Variants in CSNK1D observed in about 807,000 individuals in gnomAD.
The protein encoded by CSNK1D is casein kinase 1 delta, also known as casein kinase I isoform delta.
In CSNK1D, 16 loss-of-function variants were observed where a neutral mutation model predicts 46.6. The ratio of observed to expected loss-of-function variants is 0.34; its 90% confidence interval spans 0.23 to 0.52. The LOEUF is 0.52. Ranked by LOEUF, CSNK1D falls within the 20% of genes least tolerant of loss-of-function variation. The probability of loss-of-function intolerance (pLI) is 0.95; values close to 1 mark genes in which losing one functional copy is unlikely to be tolerated. For missense variants in CSNK1D, 398 were observed against 578.4 expected, an observed-to-expected ratio of 0.69 and a Z score of 3.20; for synonymous variants, 276 against 228.2, an observed-to-expected ratio of 1.21 and a Z score of -1.89.
rs985450864 is a variant in CSNK1D at position 82,249,206 on chromosome 17, C to A, written c.1058-192G>T. ...GGGACATGGGAGCGAGGTCAAGGGG[C>A]TCACAGGGGAGGAACGTGAGATGCG... On this transcript the variant is annotated intron_variant, in intron 7 of 8. Coordinates refer to ENST00000314028, the MANE Select transcript of CSNK1D (RefSeq NM_001893.6). This position sits in a 1 kb window ranked among gnomAD's most constrained non-coding sequence, Gnocchi z 6.7. 1 of 798,108 alleles carries A rather than the reference C, an allele frequency of 1.3e-6. No individual in the cohort carries two copies. Among genetic ancestry groups the A allele is most frequent in the Non-Finnish European group, 1.9e-6 (1 of 513,186 alleles). 49.4% of individuals were successfully genotyped at this position (798,108 alleles called of 1,614,324 possible). A position where few individuals can be genotyped will look rare whatever the true frequency, so the allele number is the denominator to read the frequency against.
At position 82,250,994 on chromosome 17, in the gene CSNK1D, C is replaced by T. The variant is rs1429748565; in HGVS notation, c.885+385G>A. On this transcript the variant is annotated intron_variant, in intron 6 of 8. Coordinates refer to ENST00000314028, the MANE Select transcript of CSNK1D (RefSeq NM_001893.6). This position sits in a 1 kb window ranked among gnomAD's most constrained non-coding sequence, Gnocchi z 4.6. ...GCTAGACGGGTAGCACCTCACCAGG[C>T]CCCAACCCCACTCATCTCGTGGGCA... 3 of 335,256 alleles carry T rather than the reference C, an allele frequency of 8.9e-6. No individual in the cohort carries two copies. The highest frequency in any genetic ancestry group is 1.6e-4 in the East Asian group (2 of 12,562). 20.8% of individuals were successfully genotyped at this position (335,256 alleles called of 1,614,324 possible).
In CSNK1D at chr17:82,255,683, G is replaced by T; in HGVS notation, c.188-106C>A. The stretch of plus-strand genomic sequence containing the variant: ...GGGTCATGGTGACAATCCTGAACGG[G>T]GGAGGGGTGGTGGAGGTAGAAGACC... On this transcript the variant is annotated intron_variant, in intron 2 of 8. Transcript: ENST00000314028. This position sits in a 1 kb window ranked among gnomAD's most constrained non-coding sequence, Gnocchi z 5.9. 7.0e-7 allele frequency: 1 copy of T among 1,425,458 alleles called. No homozygotes were observed. Among genetic ancestry groups the T allele is most frequent in the Admixed American group, 1.7e-5 (1 of 59,678 alleles). The allele number at this position is 1,425,458 out of a possible 1,614,324, so 88.3% of individuals were successfully genotyped here.
downstream of CSNK1D, among the ~76,000 whole-genome samples, chr17:82,242,377 G>T (rs1034226854): frequency 1.3e-5 from 2 of 152,162 alleles, no homozygotes; most frequent in Non-Finnish European, 2.9e-5. Flanking sequence ...TGCGGCTGCC[G>T]GTGCCGCCCG....
chr17:82,251,248 C>A lies in CSNK1D; in HGVS notation c.885+131G>T, dbSNP rs2051000158. The A allele has an allele frequency of 1.4e-5, 16 of 1,108,340 alleles. No homozygotes were observed. Among genetic ancestry groups the A allele is most frequent in the South Asian group, 8.0e-5 (6 of 75,230 alleles). The allele number at this position is 1,108,340 out of a possible 1,614,324, so 68.7% of individuals were successfully genotyped here. On this transcript the variant is annotated intron_variant, in intron 6 of 8. Transcript: ENST00000314028. This position sits in a 1 kb window ranked among gnomAD's most constrained non-coding sequence, Gnocchi z 4.5. ...CACTCAGTCCAGGTCCTGCCCACTA[C>A]ACACTTGCCCTTCACAACCAGAGAC...
At position 82,249,777 on chromosome 17, in the gene CSNK1D, C is replaced by T. The variant is rs1248092182; in HGVS notation, c.886-175G>A. 1.4e-6 allele frequency: 2 copies of T among 1,465,950 alleles called. No homozygotes were observed. The highest frequency in any genetic ancestry group is 2.8e-5 in the African/African-American group (2 of 71,186). The allele number at this position is 1,465,950 out of a possible 1,614,324, so 90.8% of individuals were successfully genotyped here. A position where few individuals can be genotyped will look rare whatever the true frequency, so the allele number is the denominator to read the frequency against. Reference sequence around the variant, plus strand: ...TCCTCATGGGATGACAGCATCATCCCCACAAGGGGTCAGAGCCAGGCCTCT... The same window carrying T: ...TCCTCATGGGATGACAGCATCATCCTCACAAGGGGTCAGAGCCAGGCCTCT... On this transcript the variant is annotated intron_variant, in intron 6 of 8. Coordinates refer to ENST00000314028, the MANE Select transcript of CSNK1D (RefSeq NM_001893.6). The surrounding 1 kb of genome is among the most constrained non-coding windows in gnomAD (Gnocchi z 6.7).
Position 82,242,825 on chromosome 17 carries a change from G to A in CSNK1D, c.*1956C>T. Reference sequence around the variant, plus strand: ...CACGGGGCGACGGGGACTAGATACTGGGCAAGGACTGTCACAAGCACTCCG... The same window carrying A: ...CACGGGGCGACGGGGACTAGATACTAGGCAAGGACTGTCACAAGCACTCCG... On this transcript the variant is annotated 3_prime_UTR_variant, in exon 9 of 9. Coordinates refer to ENST00000314028, the MANE Select transcript of CSNK1D (RefSeq NM_001893.6). 3.0e-6 allele frequency: 3 copies of A among 985,464 alleles called. No homozygotes were observed. The highest frequency in any genetic ancestry group is 3.6e-6 in the Non-Finnish European group (3 of 829,936). The allele number at this position is 985,464 out of a possible 1,614,324, so 61.0% of individuals were successfully genotyped here. A position where few individuals can be genotyped will look rare whatever the true frequency, so the allele number is the denominator to read the frequency against.
chr17:82,240,714 G>A (rs1435146487), downstream of CSNK1D, among the ~76,000 whole-genome samples: 18 of 152,232 alleles, frequency 1.2e-4, no homozygotes, highest in Admixed American at 1.0e-3. Flanking sequence ...CTCCCGGACA[G>A]ACATGCCTGA....
rs1384109468 is a variant in CSNK1D at position 82,252,685 on chromosome 17, G to A, written c.566-81C>T. 1 of 1,420,194 alleles carries A rather than the reference G, an allele frequency of 7.0e-7. No individual in the cohort carries two copies. The highest frequency in any genetic ancestry group is 9.7e-7 in the Non-Finnish European group (1 of 1,034,578). 88.0% of individuals were successfully genotyped at this position (1,420,194 alleles called of 1,614,324 possible). A position where few individuals can be genotyped will look rare whatever the true frequency, so the allele number is the denominator to read the frequency against. ...AAAAGACCCGGCTGGCCGTTCCAGTGGAGACTAGCCTCAGACACACATGCC... is the reference window on the plus strand; with the variant it reads ...AAAAGACCCGGCTGGCCGTTCCAGTAGAGACTAGCCTCAGACACACATGCC... On this transcript the variant is annotated intron_variant, in intron 4 of 8. Coordinates refer to ENST00000314028, the MANE Select transcript of CSNK1D (RefSeq NM_001893.6). The surrounding 1 kb of genome is among the most constrained non-coding windows in gnomAD (Gnocchi z 4.6).
rs974078167 is a variant in CSNK1D, at chr17:82,250,675, C to T, written c.885+704G>A. 5.8e-6 allele frequency: 1 copy of T among 171,562 alleles called. No homozygotes were observed. The highest frequency in any genetic ancestry group is 1.3e-5 in the Non-Finnish European group (1 of 77,978). 10.6% of individuals were successfully genotyped at this position (171,562 alleles called of 1,614,324 possible). ...CCGCCCCTCCCTGGCCCCTGCACGA[C>T]TACTGGACAAGGCTGCCGTTTTTGT... On this transcript the variant is annotated intron_variant, in intron 6 of 8. Coordinates refer to ENST00000314028, the MANE Select transcript of CSNK1D (RefSeq NM_001893.6). This position sits in a 1 kb window ranked among gnomAD's most constrained non-coding sequence, Gnocchi z 4.6.
At chr17:82,270,467 G>C (rs997376348) in intron 1 of CSNK1D, among the ~76,000 whole-genome samples, 4 of 152,224 alleles carry the variant, frequency 2.6e-5, no homozygotes, top group East Asian at 1.9e-4. Flanking sequence ...AGTAGGAATG[G>C]TCTTAACGAT....
intron 1 of CSNK1D, among the ~76,000 whole-genome samples, chr17:82,265,998 C>T (rs776759828): frequency 1.3e-5 from 2 of 152,308 alleles, no homozygotes; most frequent in South Asian, 4.1e-4. Context: ...CACAACAGGA[C>T]GAATTTGAAC....
In CSNK1D at chr17:82,249,860, G is replaced by C; in HGVS notation, c.886-258C>G. The stretch of plus-strand genomic sequence containing the variant: ...GCCATGGCATCTCCCTGTGGGCTCA[G>C]AACTTCCTTAAACTTCCAAATGGGC... On this transcript the variant is annotated intron_variant, in intron 6 of 8. Coordinates refer to ENST00000314028, the MANE Select transcript of CSNK1D (RefSeq NM_001893.6). This position sits in a 1 kb window ranked among gnomAD's most constrained non-coding sequence, Gnocchi z 6.7. 1 of 1,418,070 alleles carries C rather than the reference G, an allele frequency of 7.1e-7. No individual in the cohort carries two copies. Among genetic ancestry groups the C allele is most frequent in the African/African-American group, 1.4e-5 (1 of 69,470 alleles). 87.8% of individuals were successfully genotyped at this position (1,418,070 alleles called of 1,614,324 possible). A position where few individuals can be genotyped will look rare whatever the true frequency, so the allele number is the denominator to read the frequency against.
rs1447816010 is a variant in CSNK1D, at chr17:82,255,700, T to C, written c.188-123A>G. The C allele has an allele frequency of 2.3e-5, 29 of 1,265,848 alleles. No individual in the cohort carries two copies. The highest frequency in any genetic ancestry group is 2.3e-4 in the South Asian group (19 of 83,546). 78.4% of individuals were successfully genotyped at this position (1,265,848 alleles called of 1,614,324 possible). A position where few individuals can be genotyped will look rare whatever the true frequency, so the allele number is the denominator to read the frequency against. ...CTGAACGGGGGAGGGGTGGTGGAGG[T>C]AGAAGACCCCGGCAACGCCGCTCCT... is the stretch of plus-strand genomic sequence containing the variant. On this transcript the variant is annotated intron_variant, in intron 2 of 8. Transcript: ENST00000314028. This position sits in a 1 kb window ranked among gnomAD's most constrained non-coding sequence, Gnocchi z 5.9.
Position 82,249,912 on chromosome 17 carries a change from A to C in CSNK1D, c.886-310T>G. ...GCAGCTACCCCCTGCTGCTCTGTGA[A>C]CATGCTCACTAACACGTGCAGAAAG... On this transcript the variant is annotated intron_variant, in intron 6 of 8. Coordinates refer to ENST00000314028, the MANE Select transcript of CSNK1D (RefSeq NM_001893.6). This position sits in a 1 kb window ranked among gnomAD's most constrained non-coding sequence, Gnocchi z 6.7. 1 of 1,341,258 alleles carries C rather than the reference A, an allele frequency of 7.5e-7. No homozygotes were observed. Among genetic ancestry groups the C allele is most frequent in the Non-Finnish European group, 9.6e-7 (1 of 1,039,106 alleles). 83.1% of individuals were successfully genotyped at this position (1,341,258 alleles called of 1,614,324 possible).
chr17:82,244,525 C>A lies in CSNK1D; in HGVS notation c.*256G>T. On this transcript the variant is annotated 3_prime_UTR_variant, in exon 9 of 9. Transcript: ENST00000314028. The stretch of plus-strand genomic sequence containing the variant: ...AAAAGGAGTCTGATTCTCTGCAATT[C>A]TCTCTCTGCTTTTCTTCCCAGCCCC... The A allele has an allele frequency of 3.5e-6, 5 of 1,442,410 alleles. No individual in the cohort carries two copies. The highest frequency in any genetic ancestry group is 4.6e-6 in the Non-Finnish European group (5 of 1,097,448). The allele number at this position is 1,442,410 out of a possible 1,614,324, so 89.4% of individuals were successfully genotyped here.
chr17:82,250,142 G>A lies in CSNK1D; in HGVS notation c.886-540C>T, dbSNP rs770762416. 2.2e-5 allele frequency: 29 copies of A among 1,290,326 alleles called. No individual in the cohort carries two copies. Among genetic ancestry groups the A allele is most frequent in the African/African-American group, 1.8e-4 (12 of 65,992 alleles). 79.9% of individuals were successfully genotyped at this position (1,290,326 alleles called of 1,614,324 possible). On this transcript the variant is annotated intron_variant, in intron 6 of 8. Coordinates refer to ENST00000314028, the MANE Select transcript of CSNK1D (RefSeq NM_001893.6). The surrounding 1 kb of genome is among the most constrained non-coding windows in gnomAD (Gnocchi z 4.6). ...TCTGTGCTGCACTATCCAGATGCAC[G>A]GGGGTGGGGAGGTCAGATTTTAAGC...
chr17:82,247,853 G>T, intron 8 of CSNK1D: 3 of 985,388 alleles, frequency 3.0e-6, no homozygotes, highest in Non-Finnish European at 3.6e-6. Flanking sequence ...TATACAAAAA[G>T]GTCTGTTTCT....
chr17:82,239,882 G>T, downstream of CSNK1D: 1 of 709,774 alleles, frequency 1.4e-6, no homozygotes, highest in Non-Finnish European at 2.0e-6. Context: ...CCGGCCCAGC[G>T]CTTGGGCTTG....
chr17:82,253,255 A>G lies in CSNK1D; in HGVS notation c.337-11T>C. 1 of 1,612,218 alleles carries G rather than the reference A, an allele frequency of 6.2e-7. No individual in the cohort carries two copies. Among genetic ancestry groups the G allele is most frequent in the African/African-American group, 1.3e-5 (1 of 74,986 alleles). ...TTCGATGCGACTGATCTGTGAGCAG[A>G]GCAAGGGCGCGAGATGGCACCCCAG... On this transcript the variant is annotated splice_polypyrimidine_tract_variant and intron_variant, in intron 3 of 8. Coordinates refer to ENST00000314028, the MANE Select transcript of CSNK1D (RefSeq NM_001893.6).
Sources: gnomAD v4.1 joint callset for allele counts (sites outside exome capture counted in the v4.1 genomes callset) on GRCh38, gnomAD v4.1.1 for gene constraint, Gnocchi (gnomAD v3.1) non-coding constraint, MANE v1.5 for transcripts, NCBI Gene and HGNC (gene_info 2026-07-23, HGNC 2026-07-21) for gene names.